TSKS: variants seen among roughly 807,000 people sequenced by gnomAD.
TSKS encodes testis-specific serine kinase substrate.
TSKS carries 27 observed loss-of-function variants against 68.0 expected under a neutral mutation model. The ratio of observed to expected loss-of-function variants is 0.40; its 90% CI spans 0.29 to 0.55. TSKS has a LOEUF of 0.55. TSKS is among the 20% of genes least tolerant of loss of function. The pLI, the probability that TSKS is intolerant of heterozygous loss-of-function variation, is 0.53. For missense variants in TSKS, 806 were observed against 776.0 expected, an observed-to-expected ratio of 1.04 and a Z score of -0.46; for synonymous variants, 331 against 340.4, an observed-to-expected ratio of 0.97 and a Z score of 0.30.
intron 2 of TSKS, among the ~76,000 whole-genome samples, chr19:49,761,688 G>T (rs143344661): frequency 0.01 from 1,560 of 152,208 alleles, 26 homozygotes; most frequent in Non-Finnish European, 0.013. Flanking sequence ...CCCAGGCCAG[G>T]CACGGGGGCT....
chr19:49,744,314 C>A lies in TSKS; in HGVS notation c.1278G>T (p.Arg426=), dbSNP rs776938235. 4 of 1,614,074 alleles carry A rather than the reference C, an allele frequency of 2.5e-6. No individual in the cohort carries two copies. The highest frequency in any genetic ancestry group is 8.5e-7 in the Non-Finnish European group (1 of 1,180,016). The change falls in exon 8 of 11, where the codon CGG becomes CGT. Residue 426 remains arginine (R), a synonymous_variant. Coordinates refer to ENST00000246801, the MANE Select transcript of TSKS (RefSeq NM_021733.2). ...GCCCTCTTCGAGAGTTCTGAAATTG[C>A]CGCCCGAACTCCTCCAGAATGGGTT... ...PLKPILEEFG[R]QFQNSRRGPD...
intron 8 of TSKS, among the ~76,000 whole-genome samples, chr19:49,743,464 A>G (rs2084268998): frequency 6.8e-6 from 1 of 146,298 alleles, no homozygotes. Context: ...GCTCACTGCA[A>G]CCTCCGCCTC....
At chr19:49,751,855 G>A (rs2084353101) in intron 2 of TSKS, among the ~76,000 whole-genome samples, 1 of 141,776 alleles carries the variant, frequency 7.1e-6, no homozygotes, top group Admixed American at 7.5e-5. Flanking sequence ...TTGAGCTCAG[G>A]AGTTTGAGAG....
At chr19:49,748,528 A>G in intron 2 of TSKS, 59 bp from the exon 3 acceptor site, 3 of 1,530,902 alleles carry the variant, frequency 2.0e-6, no homozygotes, top group Non-Finnish European at 2.7e-6. Context: ...CCCCAAGCCC[A>G]GGAAGAATTC....
At chr19:49,747,216 G>GT in intron 5 of TSKS, 173 bp downstream of exon 5, 1 of 1,538,678 alleles carries the variant, frequency 6.5e-7, no homozygotes, top group Non-Finnish European at 8.7e-7. Context: ...CCATCTGGGT[G>GT]TTGGAGCCTC....
intron 8 of TSKS, among the ~76,000 whole-genome samples, chr19:49,742,732 C>G (rs749959897): frequency 1.3e-5 from 2 of 151,436 alleles, no homozygotes; most frequent in Admixed American, 6.6e-5. Flanking sequence ...TCCTGACCTC[C>G]GGTGATCCTC....
intron 9 of TSKS, among the ~76,000 whole-genome samples, chr19:49,740,599 C>T (rs1168533320): frequency 6.6e-6 from 1 of 152,052 alleles, no homozygotes. Context: ...ACACAAAAGT[C>T]CTGGCCGGGC....
intron 4 of TSKS, 86 bp downstream of exon 4, chr19:49,747,999 G>A (rs2123610380): frequency 7.6e-7 from 1 of 1,308,880 alleles, no homozygotes; most frequent in South Asian, 1.2e-5. Flanking sequence ...GTGAGCCACT[G>A]CACCCAGCCT....
intron 9 of TSKS, 56 bp from the exon 10 acceptor site, chr19:49,740,239 G>A (rs905000490): frequency 7.6e-6 from 12 of 1,569,316 alleles, no homozygotes; most frequent in African/African-American, 1.4e-5. Flanking sequence ...GGGGGTGGAG[G>A]GGGAACTGGA....
At chr19:49,744,142 C>G (rs879124356) in intron 8 of TSKS, 89 bp downstream of exon 8, 2 of 1,408,686 alleles carry the variant, frequency 1.4e-6, no homozygotes, top group Non-Finnish European at 2.0e-6. Flanking sequence ...ATGAACAGCG[C>G]CCCACCCTTC....
At chr19:49,745,652 A>G (rs2084292319) in intron 6 of TSKS, among the ~76,000 whole-genome samples, 1 of 151,574 alleles carries the variant, frequency 6.6e-6, no homozygotes, top group African/African-American at 2.4e-5. Context: ...CCCAACCTCT[A>G]CCTGGGCTCC....
chr19:49,740,015 C>G (rs1344652376), intron 10 of TSKS, 44 bp downstream of exon 10: 1 of 1,612,972 alleles, frequency 6.2e-7, no homozygotes, highest in Non-Finnish European at 8.5e-7. Flanking sequence ...GGCCCTTTCC[C>G]CAAGATCTCA....
intron 4 of TSKS, 31 bp downstream of exon 4, chr19:49,748,053 TC>T: frequency 3.1e-6 from 5 of 1,599,274 alleles, no homozygotes; most frequent in Non-Finnish European, 4.3e-6. Flanking sequence ...CATTCCCCTC[TC>T]CCCATCCATT....
intron 8 of TSKS, 42 bp from the exon 9 acceptor site, chr19:49,742,062 A>C (rs1385288466): frequency 2.5e-6 from 4 of 1,605,020 alleles, no homozygotes; most frequent in Admixed American, 1.7e-5. Context: ...CCCAGTACCA[A>C]CTCCAGGACG....
At chr19:49,751,066 G>A (rs760752274) in intron 2 of TSKS, among the ~76,000 whole-genome samples, 4 of 152,016 alleles carry the variant, frequency 2.6e-5, no homozygotes, top group Non-Finnish European at 4.4e-5. Context: ...CACTTTGGGA[G>A]GCCGAGGTGG....
Position 49,745,352 on chromosome 19 carries a change from CCCT to C in TSKS, c.1034_1036del (p.Glu345del), listed in dbSNP as rs759878096. On this transcript the variant is annotated inframe_deletion, in exon 7 of 11. Coordinates refer to ENST00000246801, the MANE Select transcript of TSKS (RefSeq NM_021733.2). ...CAGCCGCAGGGCTTCCTGCACCGCC[CCCT>C]CCTCCTGATGCCACCGGGCGGTCAG... The C allele has an allele frequency of 1.9e-6, 3 of 1,594,826 alleles. No individual in the cohort carries two copies. The highest frequency in any genetic ancestry group is 1.3e-5 in the African/African-American group (1 of 74,672).
At chr19:49,744,832 C>A (rs1173138244) in intron 7 of TSKS, among the ~76,000 whole-genome samples, 1 of 152,096 alleles carries the variant, frequency 6.6e-6, no homozygotes, top group South Asian at 2.1e-4. Flanking sequence ...TCAAGTAATC[C>A]GCCCACGTCG....
In TSKS at chr19:49,746,496, C is replaced by G. The variant is rs750484105; in HGVS notation, c.966G>C (p.Lys322Asn). 6.2e-7 allele frequency: 1 copy of G among 1,614,002 alleles called. No individual in the cohort carries two copies. The highest frequency in any genetic ancestry group is 8.5e-7 in the Non-Finnish European group (1 of 1,179,960). ...GPYVSEQELQKLFTGIEELRR... is the reference protein window; with the variant it reads ...GPYVSEQELQNLFTGIEELRR... ...TCAGCTCTTCGATGCCGGTGAACAG[C>G]TTCTGCAATTCCTGCTCGCTCACGT... is the stretch of plus-strand genomic sequence containing the variant. The change falls in exon 6 of 11, where the codon AAG (lysine) becomes AAC (asparagine). Residue 322 changes from lysine (K) to asparagine (N), a missense_variant. Transcript: ENST00000246801.
rs2084237117 is a variant in TSKS at position 49,739,894 on chromosome 19, A to G, written c.1661T>C (p.Met554Thr). 6.2e-7 allele frequency: 1 copy of G among 1,613,890 alleles called. No homozygotes were observed. Among genetic ancestry groups the G allele is most frequent in the Non-Finnish European group, 8.5e-7 (1 of 1,179,988 alleles). ...GCTGAGATGATCGTGGAGGGAGCAC[A>G]TCTTCAAGTGTAGATGGTCCAGAGT... ...MATLDHLHLK[M>T]CSLHDHLSNL... is the part of the protein sequence containing the mutation. Residue 554 changes from methionine (M) to threonine (T), a missense_variant, in exon 11 of 11, where the codon ATG becomes ACG. Transcript: ENST00000246801.
Sources: gnomAD v4.1 joint callset for allele counts (sites outside exome capture counted in the v4.1 genomes callset) on GRCh38, gnomAD v4.1.1 for gene constraint, MANE v1.5 for transcripts, NCBI Gene and HGNC (gene_info 2026-07-23, HGNC 2026-07-21) for gene names.